The following CD99 variants were observed in gnomAD, a reference collection of about 807,000 sequenced individuals.
CD99 encodes CD99 molecule (Xg blood group).
CD99 carries 19 observed loss-of-function variants against 28.4 expected under a neutral mutation model. The observed-to-expected ratio is 0.67, with a 90% CI of 0.47 to 0.98. CD99 has a LOEUF of 0.98. Ranked by LOEUF, CD99 falls within the 50% of genes least tolerant of loss-of-function variation. The probability of loss-of-function intolerance (pLI) is 0.00; values close to 1 mark genes in which losing one functional copy is unlikely to be tolerated. For synonymous variants in CD99, 103 were observed against 92.1 expected (o/e 1.12, Z -0.67); for missense variants, 283 against 248.8 (o/e 1.14, Z -0.92).
intron 7 of CD99, among the ~76,000 whole-genome samples, chrX:2,724,672 A>G (rs2049179217): frequency 1.3e-5 from 2 of 152,090 alleles, no homozygotes; most frequent in Admixed American, 6.6e-5. Flanking sequence ...CGGGAGGCCA[A>G]GGTGGGTGGA....
chrX:2,727,874 T>C (rs901622146), intron 8 of CD99, among the ~76,000 whole-genome samples: 2 of 152,192 alleles, frequency 1.3e-5, no homozygotes, highest in African/African-American at 4.8e-5. Flanking sequence ...TATTCATTCT[T>C]GGTCACTGAT....
intron 1 of CD99, 38 bp downstream of exon 1, chrX:2,691,465 G>C (rs1205954894): frequency 1.3e-6 from 2 of 1,560,894 alleles, no homozygotes; most frequent in Admixed American, 3.6e-5. Flanking sequence ...GGGACGCGGA[G>C]GGCGCGGGCC....
intron 1 of CD99, among the ~76,000 whole-genome samples, chrX:2,693,984 A>C (rs1400994791): frequency 6.6e-6 from 1 of 152,156 alleles, no homozygotes; most frequent in African/African-American, 2.4e-5. Context: ...ATCTGGTCCC[A>C]AATGCCAGTG....
At position 2,707,052 on chromosome X, in the gene CD99, G is replaced by A. The variant is rs556361200; in HGVS notation, c.68-7370G>A. 1.2e-4 allele frequency among the ~76,000 whole-genome samples: 18 copies of A among 152,222 alleles called. No individual in the cohort carries two copies. The South Asian group carries it at 3.1e-3, about 26-fold the overall frequency. The stretch of plus-strand genomic sequence containing the variant: ...GGGGTTTAAGATAACCCAAGTGTTC[G>A]GGCGCGGCGGCTCACATCTGTAATC... On this transcript the variant is annotated intron_variant, in intron 1 of 9. Coordinates refer to ENST00000381192, the MANE Select transcript of CD99 (RefSeq NM_002414.5).
At chrX:2,714,277 G>A (rs1158980169) in intron 1 of CD99, 145 bp from the exon 2 acceptor site, 2 of 603,518 alleles carry the variant, frequency 3.3e-6, no homozygotes, top group Non-Finnish European at 5.8e-6. Flanking sequence ...AGAATGAGAA[G>A]AGAAATCACG....
At position 2,719,843 on chromosome X, in the gene CD99, C is replaced by T. The variant is rs183138537; in HGVS notation, c.193+138C>T. 443 of 886,762 alleles carry T rather than the reference C, an allele frequency of 5.0e-4. 1 individual carries two copies. The African/African-American group carries it at 6.3e-3, about 13-fold the overall frequency. 54.9% of individuals were successfully genotyped at this position (886,762 alleles called of 1,614,324 possible). A position where few individuals can be genotyped will look rare whatever the true frequency, so the allele number is the denominator to read the frequency against. ...GTGGAAACCTAGGGAATAGGTGTGT[C>T]GGTTTGTTCTTGCTGTTGTCGTTGG... On this transcript the variant is annotated intron_variant, in intron 4 of 9. Transcript: ENST00000381192.
At chrX:2,723,524 T>A (rs1240573002) in intron 7 of CD99, 160 bp downstream of exon 7, 1 of 770,838 alleles carries the variant, frequency 1.3e-6, no homozygotes, top group Non-Finnish European at 2.2e-6. Context: ...GTGATGTAGC[T>A]GCAGAGGTCC....
At chrX:2,710,202 TG>T (rs2048332752) in intron 1 of CD99, among the ~76,000 whole-genome samples, 1 of 152,088 alleles carries the variant, frequency 6.6e-6, no homozygotes, top group Non-Finnish European at 1.5e-5. Context: ...GTTCCGGCCG[TG>T]GGGTGTCCTG....
chrX:2,698,945 G>C lies in CD99; in HGVS notation c.67+7518G>C, dbSNP rs989422941. 2.0e-4 allele frequency among the ~76,000 whole-genome samples: 27 copies of C among 133,840 alleles called. 1 individual carries two copies. Among genetic ancestry groups the C allele is most frequent in the Non-Finnish European group, 2.4e-4 (15 of 61,956 alleles). The allele number at this position is 133,840 out of a possible 152,430, so 87.8% of individuals were successfully genotyped here. Reference sequence around the variant, plus strand: ...GGTGTTTTAATTTTTTTTTTTTTTTGAGACAAGATTTTGCTCTGTCACCCA... The same window carrying C: ...GGTGTTTTAATTTTTTTTTTTTTTTCAGACAAGATTTTGCTCTGTCACCCA... On this transcript the variant is annotated intron_variant, in intron 1 of 9. Coordinates refer to ENST00000381192, the MANE Select transcript of CD99 (RefSeq NM_002414.5).
chrX:2,694,088 C>T (rs1603255255), intron 1 of CD99, among the ~76,000 whole-genome samples: 3 of 152,290 alleles, frequency 2.0e-5, no homozygotes, highest in East Asian at 1.9e-4. Context: ...GCCGTCCCGA[C>T]AGTAGAGTCG....
At chrX:2,725,999 C>T (rs1249185674) in intron 7 of CD99, among the ~76,000 whole-genome samples, 1 of 152,192 alleles carries the variant, frequency 6.6e-6, no homozygotes, top group African/African-American at 2.4e-5. Flanking sequence ...GGCCTCTCTT[C>T]ATGTCTCTTT....
intron 8 of CD99, among the ~76,000 whole-genome samples, chrX:2,736,632 C>T (rs778588840): frequency 1.3e-4 from 19 of 151,822 alleles, no homozygotes; most frequent in East Asian, 5.8e-4. Flanking sequence ...CCGAGGTGGG[C>T]GGATCACAAG....
At chrX:2,706,691 G>A (rs2048132938) in intron 1 of CD99, among the ~76,000 whole-genome samples, 1 of 152,122 alleles carries the variant, frequency 6.6e-6, no homozygotes, top group Non-Finnish European at 1.5e-5. Flanking sequence ...TATTGAGAAA[G>A]CTGCAGGCAC....
intron 8 of CD99, chrX:2,727,342 T>A (rs1249521807): frequency 7.7e-6 from 6 of 779,170 alleles, no homozygotes; most frequent in Non-Finnish European, 1.4e-5. Context: ...GCCGTGAAGC[T>A]GGGAAGTAAG....
intron 1 of CD99, chrX:2,691,802 C>T (rs746800125): frequency 1.3e-6 from 1 of 774,568 alleles, no homozygotes. Flanking sequence ...TGGGGACCTG[C>T]GTCTTCAGGC....
intron 8 of CD99, among the ~76,000 whole-genome samples, chrX:2,730,914 A>G (rs111632059): frequency 1.5e-5 from 2 of 134,204 alleles, no homozygotes; most frequent in Non-Finnish European, 3.1e-5. Context: ...TGGACAACAG[A>G]GTGAGACTCT....
At chrX:2,705,803 T>C (rs1462798875) in intron 1 of CD99, among the ~76,000 whole-genome samples, 10 of 152,012 alleles carry the variant, frequency 6.6e-5, no homozygotes, top group Non-Finnish European at 1.3e-4. Context: ...AGCGATTCGG[T>C]TTTATAGCAA....
At position 2,724,912 on chromosome X, in the gene CD99, A is replaced by G. The variant is rs1482290044; in HGVS notation, c.362-1348A>G. Among the ~76,000 whole-genome samples the G allele has an allele frequency of 5.4e-5, 8 of 147,552 alleles. No homozygotes were observed. In the South Asian group the frequency reaches 6.4e-4, roughly 12 times the overall value. On this transcript the variant is annotated intron_variant, in intron 7 of 9. Transcript: ENST00000381192. ...GACTGCATTTCAAAAAAAAAAAAAA[A>G]CTAGCCAGGGGTGGTGGCACACACC... is the stretch of plus-strand genomic sequence containing the variant.
At chrX:2,706,910 T>C (rs1323207532) in intron 1 of CD99, among the ~76,000 whole-genome samples, 1 of 151,786 alleles carries the variant, frequency 6.6e-6, no homozygotes, top group Non-Finnish European at 1.5e-5. Context: ...AACCTCCACC[T>C]CCCGGGTTCA....
Sources: gnomAD v4.1 joint callset for allele counts (sites outside exome capture counted in the v4.1 genomes callset) on GRCh38, gnomAD v4.1.1 for gene constraint, MANE v1.5 for transcripts, NCBI Gene and HGNC (gene_info 2026-07-23, HGNC 2026-07-21) for gene names.